The following PPM1L variants were observed in gnomAD, a reference collection of about 807,000 sequenced individuals.
PPM1L encodes protein phosphatase 1L.
Under a neutral mutation model 31.4 loss-of-function variants are expected in PPM1L, and 13 were observed. The observed-to-expected ratio is 0.41, with a 90% CI of 0.27 to 0.66. The LOEUF (loss-of-function observed/expected upper bound fraction) is 0.66, where lower values mean the gene tolerates loss of function less well. Among genes scored for constraint, PPM1L ranks in the 30% least tolerant of loss-of-function variants. The pLI is 0.29. For synonymous variants in PPM1L, 184 were observed against 175.4 expected (o/e 1.05, Z -0.39); for missense variants, 326 against 453.7 (o/e 0.72, Z 2.56).
chr3:160,944,853 T>TATATGTTATATATAAC (rs1715311464), intron 1 of PPM1L, among the ~76,000 whole-genome samples: 1 of 41,446 alleles, frequency 2.4e-5, no homozygotes, highest in African/African-American at 6.9e-5. Context: ...ATATATAACA[T>TATATGTTATATATAAC]ATATTATATA....
intron 2 of PPM1L, among the ~76,000 whole-genome samples, chr3:160,983,764 G>T (rs1402021267): frequency 6.6e-5 from 10 of 152,154 alleles, no homozygotes; most frequent in African/African-American, 2.4e-4. Flanking sequence ...CAGCCAGTCT[G>T]AGAAATAAAG....
chr3:160,776,223 A>G (rs1711555531), intron 1 of PPM1L, among the ~76,000 whole-genome samples: 1 of 152,224 alleles, frequency 6.6e-6, no homozygotes, highest in South Asian at 2.1e-4. Flanking sequence ...TTTATGAATC[A>G]TATTGAAAAT....
At chr3:161,048,021 G>A (rs1719139528) in intron 2 of PPM1L, among the ~76,000 whole-genome samples, 1 of 152,178 alleles carries the variant, frequency 6.6e-6, no homozygotes, top group Non-Finnish European at 1.5e-5. Context: ...CAGGACATAG[G>A]CATGGGCAAG....
At chr3:160,937,681 T>C (rs1357699255) in intron 1 of PPM1L, among the ~76,000 whole-genome samples, 1 of 152,062 alleles carries the variant, frequency 6.6e-6, no homozygotes, top group Non-Finnish European at 1.5e-5. Context: ...TTTGACCCAA[T>C]TGGAATAAAA....
chr3:160,820,509 C>G (rs1280648037), intron 1 of PPM1L, among the ~76,000 whole-genome samples: 2 of 151,994 alleles, frequency 1.3e-5, no homozygotes, highest in Non-Finnish European at 2.9e-5. Flanking sequence ...GTCTTCAGCC[C>G]CAGTAGTAAC....
At chr3:160,997,863 A>G (rs1020583632) in intron 2 of PPM1L, among the ~76,000 whole-genome samples, 1 of 152,168 alleles carries the variant, frequency 6.6e-6, no homozygotes, top group Admixed American at 6.5e-5. Flanking sequence ...ATCACTAACA[A>G]TCTCAAAATA....
At chr3:160,881,245 G>A (rs1712701526) in intron 1 of PPM1L, among the ~76,000 whole-genome samples, 1 of 152,204 alleles carries the variant, frequency 6.6e-6, no homozygotes. Flanking sequence ...GTTACATCAT[G>A]TCAGTTATTA....
chr3:161,034,285 G>A (rs189776858), intron 2 of PPM1L, among the ~76,000 whole-genome samples: 417 of 152,262 alleles, frequency 2.7e-3, no homozygotes, highest in Non-Finnish European at 4.8e-3. Context: ...ACAGTGTGGC[G>A]ATTCCTCAAG....
At chr3:160,945,222 C>T (rs1054395489) in intron 1 of PPM1L, among the ~76,000 whole-genome samples, 1 of 151,098 alleles carries the variant, frequency 6.6e-6, no homozygotes, top group Non-Finnish European at 1.5e-5. Flanking sequence ...CTGTAAAGAG[C>T]CATGTGGTAA....
chr3:161,052,748 A>C (rs1040662939), intron 2 of PPM1L, among the ~76,000 whole-genome samples: 2 of 152,258 alleles, frequency 1.3e-5, no homozygotes, highest in African/African-American at 2.4e-5. Context: ...ATCAAAGGAC[A>C]GGTTCATTTT....
At chr3:161,029,338 TG>T (rs1718496326) in intron 2 of PPM1L, among the ~76,000 whole-genome samples, 1 of 152,214 alleles carries the variant, frequency 6.6e-6, no homozygotes, top group South Asian at 2.1e-4. Context: ...AAATAGTAAC[TG>T]GAGCTAAGAT....
intron 1 of PPM1L, among the ~76,000 whole-genome samples, chr3:160,820,988 G>T (rs1452199939): frequency 6.6e-6 from 1 of 151,996 alleles, no homozygotes; most frequent in Non-Finnish European, 1.5e-5. Flanking sequence ...CAAATTGTTT[G>T]AACCAGTTTA....
chr3:160,795,159 T>C (rs930183431), intron 1 of PPM1L, among the ~76,000 whole-genome samples: 1 of 152,218 alleles, frequency 6.6e-6, no homozygotes, highest in African/African-American at 2.4e-5. Context: ...TTGTATAATA[T>C]ATTGGTATGT....
rs75563227 is a variant in PPM1L at position 160,773,957 on chromosome 3, C to T, written c.399+17250C>T. 5.2e-3 allele frequency among the ~76,000 whole-genome samples: 792 copies of T among 152,286 alleles called. 7 individuals carry two copies. Among genetic ancestry groups the T allele is most frequent in the African/African-American group, 0.018 (754 of 41,564 alleles). On this transcript the variant is annotated intron_variant, in intron 1 of 3. Transcript: ENST00000498165. ...TCTGGGTTTCAAGAAGGGCTGTGCT[C>T]AGTGTGCTGGTCTCATTTTTGCATC...
chr3:160,926,239 G>A (rs1213586183), intron 1 of PPM1L, among the ~76,000 whole-genome samples: 1 of 152,202 alleles, frequency 6.6e-6, no homozygotes, highest in Non-Finnish European at 1.5e-5. Flanking sequence ...GGCTGCAGCA[G>A]CAGCCTCTCT....
chr3:160,768,802 G>T (rs147907009), intron 1 of PPM1L, among the ~76,000 whole-genome samples: 19 of 152,294 alleles, frequency 1.2e-4, no homozygotes, highest in African/African-American at 4.6e-4. Flanking sequence ...ACTGGAGACA[G>T]TTATTATCTC....
At chr3:160,927,847 G>A (rs1714654596) in intron 1 of PPM1L, among the ~76,000 whole-genome samples, 1 of 152,158 alleles carries the variant, frequency 6.6e-6, no homozygotes, top group Non-Finnish European at 1.5e-5. Flanking sequence ...GCTCCTAGAT[G>A]AGCAATACAG....
chr3:160,848,847 C>G (rs769973024), intron 1 of PPM1L, among the ~76,000 whole-genome samples: 1 of 152,226 alleles, frequency 6.6e-6, no homozygotes, highest in Non-Finnish European at 1.5e-5. Context: ...AGTATACCAT[C>G]TACTCAATTA....
intron 1 of PPM1L, among the ~76,000 whole-genome samples, chr3:160,788,471 C>A (rs940014609): frequency 1.9e-4 from 29 of 152,010 alleles, no homozygotes; most frequent in African/African-American, 6.3e-4. Flanking sequence ...TGTAAGAGTT[C>A]TTTCTGTAGA....
Sources: gnomAD v4.1 joint callset for allele counts (sites outside exome capture counted in the v4.1 genomes callset) on GRCh38, gnomAD v4.1.1 for gene constraint, MANE v1.5 for transcripts, NCBI Gene and HGNC (gene_info 2026-07-23, HGNC 2026-07-21) for gene names.